The following PRKCQ variants were observed in gnomAD, a reference collection of about 807,000 sequenced individuals.
PRKCQ encodes protein kinase C theta, also known as protein kinase C theta type.
A neutral mutation model predicts 91.2 loss-of-function variants in PRKCQ; 41 were observed. The ratio of observed to expected loss-of-function variants is 0.45; its 90% CI spans 0.35 to 0.58. PRKCQ has a LOEUF of 0.58. PRKCQ is among the 20% of genes least tolerant of loss of function. The pLI, the probability that PRKCQ is intolerant of heterozygous loss-of-function variation, is 0.00. For synonymous variants in PRKCQ, 307 were observed against 316.9 expected, an observed-to-expected ratio of 0.97 and a Z score of 0.33; for missense variants, 673 against 896.5, an observed-to-expected ratio of 0.75 and a Z score of 3.18.
chr10:6,571,650 A>G (rs1456582601), intron 1 of PRKCQ, among the ~76,000 whole-genome samples: 2 of 152,158 alleles, frequency 1.3e-5, no homozygotes, highest in Admixed American at 1.3e-4. Flanking sequence ...TACTAAAAAC[A>G]TAAAAATTAA....
chr10:6,467,331 C>CAG (rs1564324023), intron 12 of PRKCQ, among the ~76,000 whole-genome samples: 9 of 107,172 alleles, frequency 8.4e-5, no homozygotes, highest in East Asian at 7.9e-4. Flanking sequence ...CAGAGAGAGA[C>CAG]AGACAGAGAG....
intron 1 of PRKCQ, among the ~76,000 whole-genome samples, chr10:6,531,266 C>T (rs980258905): frequency 3.3e-5 from 5 of 152,190 alleles, no homozygotes; most frequent in Non-Finnish European, 7.4e-5. Flanking sequence ...CAGCAGCTTT[C>T]TCGTTTCTAT....
intron 1 of PRKCQ, among the ~76,000 whole-genome samples, chr10:6,551,655 C>CAA (rs1216491180): frequency 6.6e-6 from 1 of 152,144 alleles, no homozygotes; most frequent in East Asian, 1.9e-4. Flanking sequence ...CTCGGCCTCC[C>CAA]AAAGTGCTGG....
At chr10:6,485,100 T>C (rs1367187209) in intron 10 of PRKCQ, 52 bp downstream of exon 10, 1 of 1,485,802 alleles carries the variant, frequency 6.7e-7, no homozygotes, top group South Asian at 1.1e-5. Context: ...TAGGTTAGGG[T>C]TAATTGAGAT....
Position 6,458,846 on chromosome 10 carries a change from A to G in PRKCQ, c.1509-2034T>C, listed in dbSNP as rs546724064. Among the ~76,000 whole-genome samples the G allele has an allele frequency of 2.0e-5, 3 of 152,300 alleles. No individual in the cohort carries two copies. The South Asian group carries it at 6.2e-4, about 32-fold the overall frequency. ...AATCTTAAGGTTCTTCTTAGTTCTAATACTCTAAGATTGGAAGTTCTAGAT... is the reference window on the plus strand; with the variant it reads ...AATCTTAAGGTTCTTCTTAGTTCTAGTACTCTAAGATTGGAAGTTCTAGAT... On this transcript the variant is annotated intron_variant, in intron 14 of 17. Coordinates refer to ENST00000263125, the MANE Select transcript of PRKCQ (RefSeq NM_006257.5).
chr10:6,451,409 A>G (rs1405358208), intron 15 of PRKCQ, among the ~76,000 whole-genome samples: 1 of 152,182 alleles, frequency 6.6e-6, no homozygotes, highest in East Asian at 1.9e-4. Flanking sequence ...GACCAATAAC[A>G]GGATCTGAAA....
At chr10:6,507,593 C>G in intron 3 of PRKCQ, 97 bp from the exon 4 acceptor site, 1 of 1,028,284 alleles carries the variant, frequency 9.7e-7, no homozygotes, top group Non-Finnish European at 1.5e-6. Flanking sequence ...AGATTTCCAC[C>G]ACAGAATACA....
chr10:6,492,658 C>T (rs11259195), intron 7 of PRKCQ, among the ~76,000 whole-genome samples: 32,447 of 152,066 alleles, frequency 0.21, 4,951 homozygotes, highest in African/African-American at 0.42. Context: ...GAGAGGGATG[C>T]TAGTGATCGA....
the PRKCQ span, among the ~76,000 whole-genome samples, chr10:6,404,495 C>A: frequency 7.8e-6 from 1 of 127,804 alleles, no homozygotes; most frequent in African/African-American, 2.8e-5. Context: ...TCTCTCTTTC[C>A]TTTCTTTCTC....
rs12356933 is a variant in PRKCQ at position 6,553,518 on chromosome 10, C to T, written c.-10+26693G>A. 1.8e-3 allele frequency among the ~76,000 whole-genome samples: 255 copies of T among 141,948 alleles called. 7 individuals carry two copies. Among genetic ancestry groups the T allele is most frequent in the Middle Eastern group, 3.6e-3 (1 of 280 alleles). The allele number at this position is 141,948 out of a possible 152,430, so 93.1% of individuals were successfully genotyped here. ...AAAAAAAAAAAAAAAAAAAAAAAAA[C>T]AAACAAACAAAAGAAGAAGAAGAAG... On this transcript the variant is annotated intron_variant, in intron 1 of 17. Coordinates refer to ENST00000263125, the MANE Select transcript of PRKCQ (RefSeq NM_006257.5).
chr10:6,560,719 A>C (rs1390706857), intron 1 of PRKCQ, among the ~76,000 whole-genome samples: 1 of 152,174 alleles, frequency 6.6e-6, no homozygotes, highest in African/African-American at 2.4e-5. Context: ...GCCAAAACAA[A>C]GTATAGGTTT....
At chr10:6,577,387 T>G (rs965624982) in intron 1 of PRKCQ, among the ~76,000 whole-genome samples, 1 of 152,234 alleles carries the variant, frequency 6.6e-6, no homozygotes, top group Non-Finnish European at 1.5e-5. Context: ...GACTTCTTCC[T>G]TAACAATTGG....
chr10:6,580,396 A>G (rs1486112709), upstream of PRKCQ: 3 of 151,492 alleles, frequency 2.0e-5, no homozygotes, highest in South Asian at 6.2e-4. Context: ...CCTCCCCGCC[A>G]GCCCGGCCTC....
chr10:6,432,622 T>C (rs559127119), intron 16 of PRKCQ, among the ~76,000 whole-genome samples: 1 of 152,280 alleles, frequency 6.6e-6, no homozygotes, highest in South Asian at 2.1e-4. Context: ...CCACGTCGCC[T>C]TGGATAAGTT....
the PRKCQ span, among the ~76,000 whole-genome samples, chr10:6,412,617 A>AAGAT: frequency 6.6e-6 from 1 of 152,244 alleles, no homozygotes. Flanking sequence ...ATTCACAACA[A>AAGAT]AGATAGAATT....
At chr10:6,407,261 T>C in the PRKCQ span, among the ~76,000 whole-genome samples, 1 of 134,648 alleles carries the variant, frequency 7.4e-6, no homozygotes, top group African/African-American at 2.9e-5. This position sits in a 1 kb window ranked among gnomAD's most constrained non-coding sequence, Gnocchi z 4.0. Flanking sequence ...TGGGCGTGCA[T>C]GGTGCCGGGG....
intron 1 of PRKCQ, among the ~76,000 whole-genome samples, chr10:6,569,867 A>G (rs1339687314): frequency 6.6e-6 from 1 of 152,132 alleles, no homozygotes; most frequent in African/African-American, 2.4e-5. Context: ...GAGGCATTAG[A>G]CGTGCCCAGG....
chr10:6,452,435 A>G (rs1834746282), intron 15 of PRKCQ, among the ~76,000 whole-genome samples: 1 of 152,124 alleles, frequency 6.6e-6, no homozygotes, highest in African/African-American at 2.4e-5. Flanking sequence ...ATACAAACCA[A>G]TGGAAGAACA....
intron 1 of PRKCQ, among the ~76,000 whole-genome samples, chr10:6,560,062 G>A (rs1348555559): frequency 1.3e-5 from 2 of 152,102 alleles, no homozygotes; most frequent in African/African-American, 4.8e-5. Context: ...TATTTTAAAC[G>A]CCCAGAAAAA....
Sources: gnomAD v4.1 joint callset for allele counts (sites outside exome capture counted in the v4.1 genomes callset) on GRCh38, gnomAD v4.1.1 for gene constraint, Gnocchi (gnomAD v3.1) non-coding constraint, MANE v1.5 for transcripts, NCBI Gene and HGNC (gene_info 2026-07-23, HGNC 2026-07-21) for gene names.